The following CDS2 variants were observed in gnomAD, a reference collection of about 807,000 sequenced individuals.
CDS2 encodes the protein phosphatidate cytidylyltransferase 2.
In CDS2, 47 loss-of-function variants were observed where a neutral mutation model predicts 59.0. That is an observed-to-expected ratio of 0.80 (90% CI 0.63 to 1.02). The LOEUF is 1.02. Ranked by LOEUF, CDS2 falls within the 50% of genes least tolerant of loss-of-function variation. The pLI is 0.00. For synonymous variants in CDS2, 207 were observed against 206.4 expected (o/e 1.00, Z -0.02); for missense variants, 356 against 558.9 (o/e 0.64, Z 3.66).
At chr20:5,190,021 A>G in intron 12 of CDS2, 81 bp from the exon 13 acceptor site, 2 of 1,556,498 alleles carry the variant, frequency 1.3e-6, no homozygotes, top group Non-Finnish European at 1.8e-6. Context: ...TGATCCAGAG[A>G]TCAGAGCAGC....
chr20:5,172,373 TC>T (rs2090962458), intron 1 of CDS2, among the ~76,000 whole-genome samples: 1 of 152,024 alleles, frequency 6.6e-6, no homozygotes, highest in Non-Finnish European at 1.5e-5. Flanking sequence ...CACAAAGTAC[TC>T]AAATCTGGAG....
chr20:5,150,793 A>G (rs961894635), intron 1 of CDS2, among the ~76,000 whole-genome samples: 1 of 152,160 alleles, frequency 6.6e-6, no homozygotes, highest in Non-Finnish European at 1.5e-5. Context: ...AACCCTCATT[A>G]GGTGCTGTCT....
At chr20:5,138,593 C>T (rs2090667056) in intron 1 of CDS2, among the ~76,000 whole-genome samples, 2 of 151,770 alleles carry the variant, frequency 1.3e-5, no homozygotes, top group South Asian at 4.2e-4. Flanking sequence ...TCAAGCCATT[C>T]TCCTGCCTCA....
chr20:5,150,136 G>T (rs1272252281), intron 1 of CDS2, among the ~76,000 whole-genome samples: 1 of 152,170 alleles, frequency 6.6e-6, no homozygotes, highest in Admixed American at 6.5e-5. Context: ...CTTAAAAAAC[G>T]ATCCATTTTT....
At chr20:5,137,681 G>T (rs1376279025) in intron 1 of CDS2, among the ~76,000 whole-genome samples, 1 of 151,810 alleles carries the variant, frequency 6.6e-6, no homozygotes, top group Non-Finnish European at 1.5e-5. Flanking sequence ...GGGCGTGGTG[G>T]TGCACGCCTG....
chr20:5,146,389 T>A (rs889429562), intron 1 of CDS2, among the ~76,000 whole-genome samples: 3 of 151,382 alleles, frequency 2.0e-5, no homozygotes, highest in African/African-American at 7.3e-5. Flanking sequence ...GTCAGGAGAG[T>A]TTGGGGTGCT....
rs1486810383 is a variant in CDS2, at chr20:5,140,795, T to TC, written c.57+13648dup. On this transcript the variant is annotated intron_variant, in intron 1 of 12. Coordinates refer to ENST00000460006, the MANE Select transcript of CDS2 (RefSeq NM_003818.4). ...CAGAAACAACCAAATACTATGTACC[T>TC]CCTGATGGAGAAATCTTGTCATAAA... is the stretch of plus-strand genomic sequence containing the variant. 7.2e-5 allele frequency among the ~76,000 whole-genome samples: 11 copies of TC among 152,306 alleles called. No individual in the cohort carries two copies. The South Asian group carries it at 1.7e-3, about 23-fold the overall frequency.
intron 2 of CDS2, 44 bp from the exon 3 acceptor site, chr20:5,175,139 G>A (rs777076423): frequency 1.1e-5 from 16 of 1,423,924 alleles, no homozygotes; most frequent in Non-Finnish European, 1.6e-5. Flanking sequence ...TTTTTTTCTG[G>A]GCTCCTAACT....
At chr20:5,161,464 A>G (rs1277010086) in intron 1 of CDS2, among the ~76,000 whole-genome samples, 1 of 152,218 alleles carries the variant, frequency 6.6e-6, no homozygotes, top group African/African-American at 2.4e-5. Context: ...CCTGAAAGGG[A>G]TTGATCCAAG....
intron 1 of CDS2, among the ~76,000 whole-genome samples, chr20:5,146,829 G>C (rs2090747438): frequency 6.6e-6 from 1 of 152,154 alleles, no homozygotes; most frequent in Admixed American, 6.5e-5. Flanking sequence ...CTGGAGGTCA[G>C]AATTCTAGCA....
chr20:5,174,792 A>G (rs954972428), intron 2 of CDS2, among the ~76,000 whole-genome samples: 1 of 152,078 alleles, frequency 6.6e-6, no homozygotes, highest in African/African-American at 2.4e-5. Context: ...TATTATTCCC[A>G]TAATTATTCA....
intron 1 of CDS2, among the ~76,000 whole-genome samples, chr20:5,134,400 A>G (rs2090632021): frequency 6.6e-6 from 1 of 152,206 alleles, no homozygotes; most frequent in Non-Finnish European, 1.5e-5. Flanking sequence ...AGTGTTCATA[A>G]GGATATTATT....
intron 5 of CDS2, 29 bp downstream of exon 5, chr20:5,178,985 G>C: frequency 6.2e-7 from 1 of 1,607,934 alleles, no homozygotes; most frequent in Non-Finnish European, 8.5e-7. Flanking sequence ...ACCATTTCTT[G>C]TGTCTGTATT....
chr20:5,174,033 T>G (rs1437683917), intron 2 of CDS2, among the ~76,000 whole-genome samples: 3 of 152,240 alleles, frequency 2.0e-5, no homozygotes, highest in African/African-American at 7.2e-5. Context: ...TGCTTTTCAC[T>G]GAGGAGTCCA....
At chr20:5,186,664 G>C (rs2091070262) in intron 9 of CDS2, 23 bp from the exon 10 acceptor site, 2 of 1,611,954 alleles carry the variant, frequency 1.2e-6, no homozygotes, top group Admixed American at 3.3e-5. Context: ...TTCCTTGCCG[G>C]TCTCTCTGTT....
intron 1 of CDS2, among the ~76,000 whole-genome samples, chr20:5,170,015 C>G (rs555707445): frequency 1.3e-5 from 2 of 152,082 alleles, no homozygotes; most frequent in Non-Finnish European, 2.9e-5. Flanking sequence ...CAGGGGAGTG[C>G]GGCAGGCACC....
intron 1 of CDS2, among the ~76,000 whole-genome samples, chr20:5,143,912 G>A (rs998807099): frequency 1.3e-5 from 2 of 151,708 alleles, no homozygotes; most frequent in Non-Finnish European, 2.9e-5. Flanking sequence ...CTTCAGGACT[G>A]TGCCACCATG....
chr20:5,188,699 A>C (rs2091089056), intron 10 of CDS2, among the ~76,000 whole-genome samples: 1 of 152,228 alleles, frequency 6.6e-6, no homozygotes, highest in African/African-American at 2.4e-5. Flanking sequence ...GAGAAGTGTG[A>C]GAAGTGTGGC....
intron 1 of CDS2, among the ~76,000 whole-genome samples, chr20:5,136,155 A>G (rs2090648104): frequency 6.6e-6 from 1 of 152,160 alleles, no homozygotes; most frequent in African/African-American, 2.4e-5. Context: ...TCAGAGCCAT[A>G]TCTCCACAGT....
Sources: gnomAD v4.1 joint callset for allele counts (sites outside exome capture counted in the v4.1 genomes callset) on GRCh38, gnomAD v4.1.1 for gene constraint, MANE v1.5 for transcripts, NCBI Gene and HGNC (gene_info 2026-07-23, HGNC 2026-07-21) for gene names.